The following KCNMB4 variants were observed in gnomAD, a reference collection of about 807,000 sequenced individuals.
KCNMB4 encodes calcium-activated potassium channel subunit beta-4.
A neutral mutation model predicts 20.7 loss-of-function variants in KCNMB4; 3 were observed. That is an observed-to-expected ratio of 0.14 (90% confidence interval 0.07 to 0.37). KCNMB4 has a LOEUF of 0.37. Among genes scored for constraint, KCNMB4 ranks in the 10% least tolerant of loss-of-function variants. The probability of loss-of-function intolerance (pLI) is 1.00; values close to 1 mark genes in which losing one functional copy is unlikely to be tolerated. For synonymous variants in KCNMB4, 110 were observed against 113.4 expected, an observed-to-expected ratio of 0.97 and a Z score of 0.19; for missense variants, 168 against 265.9, an observed-to-expected ratio of 0.63 and a Z score of 2.56.
At chr12:70,379,509 C>G (rs1883746796) in intron 1 of KCNMB4, among the ~76,000 whole-genome samples, 1 of 152,092 alleles carries the variant, frequency 6.6e-6, no homozygotes, top group Non-Finnish European at 1.5e-5. Context: ...ACCTCCACCC[C>G]AAGCTCAAGC....
chr12:70,374,779 A>G (rs796991644), intron 1 of KCNMB4, among the ~76,000 whole-genome samples: 6 of 152,318 alleles, frequency 3.9e-5, no homozygotes, highest in African/African-American at 1.4e-4. Context: ...TAATTGATGT[A>G]GTTGATCAAA....
In KCNMB4 at chr12:70,430,793, C is replaced by T. The variant is rs1869345411; in HGVS notation, c.*140C>T. ...TGAGAGGCTCATCCCTCAGTGGCAA[C>T]AGAAACAGGCACAACTGGAAGACTT... On this transcript the variant is annotated 3_prime_UTR_variant, in exon 3 of 3. Transcript: ENST00000258111. The T allele has an allele frequency of 1.4e-6, 1 of 705,364 alleles. No individual in the cohort carries two copies. The highest frequency in any genetic ancestry group is 2.1e-6 in the Non-Finnish European group (1 of 467,276). The allele number at this position is 705,364 out of a possible 1,614,324, so 43.7% of individuals were successfully genotyped here. A position where few individuals can be genotyped will look rare whatever the true frequency, so the allele number is the denominator to read the frequency against.
At chr12:70,377,231 A>G (rs902008471) in intron 1 of KCNMB4, among the ~76,000 whole-genome samples, 1 of 152,362 alleles carries the variant, frequency 6.6e-6, no homozygotes, top group Non-Finnish European at 1.5e-5. Flanking sequence ...TCTTGAAAAA[A>G]GAGAACAAAA....
Position 70,427,182 on chromosome 12 carries a change from A to AATTCT in KCNMB4, c.465-3301_465-3297dup, listed in dbSNP as rs577786501. On this transcript the variant is annotated intron_variant, in intron 2 of 2. Coordinates refer to ENST00000258111, the MANE Select transcript of KCNMB4 (RefSeq NM_014505.6). ...CCTACCATATAATTACGGCAAATTG[A>AATTCT]ATTCTAAGCCCAAACCCCTTTGCAA... is the stretch of plus-strand genomic sequence containing the variant. 2.7e-4 allele frequency among the ~76,000 whole-genome samples: 41 copies of AATTCT among 152,330 alleles called. 1 individual carries two copies. The highest frequency in any genetic ancestry group is 1.2e-3 in the Admixed American group (19 of 15,308).
chr12:70,419,097 A>G (rs1307297031), intron 2 of KCNMB4, among the ~76,000 whole-genome samples: 3 of 152,150 alleles, frequency 2.0e-5, no homozygotes, highest in African/African-American at 7.2e-5. Flanking sequence ...GTGTAGCCCT[A>G]TATTATCAGA....
chr12:70,367,575 G>A (rs1382686322), intron 1 of KCNMB4, among the ~76,000 whole-genome samples: 1 of 152,068 alleles, frequency 6.6e-6, no homozygotes, highest in Admixed American at 6.5e-5. Flanking sequence ...CTCTACATAG[G>A]CATTTTCAAC....
intron 2 of KCNMB4, among the ~76,000 whole-genome samples, chr12:70,403,266 C>T (rs1167213343): frequency 6.6e-6 from 1 of 152,014 alleles, no homozygotes; most frequent in African/African-American, 2.4e-5. Flanking sequence ...CTTCTATTTA[C>T]AACTCTCTCC....
chr12:70,409,870 G>C (rs916843557), intron 2 of KCNMB4, among the ~76,000 whole-genome samples: 46 of 152,304 alleles, frequency 3.0e-4, no homozygotes, highest in African/African-American at 1.1e-3. Flanking sequence ...TGAATGAGTG[G>C]GAGAGTGGAG....
chr12:70,380,504 A>G (rs1321509304), intron 1 of KCNMB4, among the ~76,000 whole-genome samples: 3 of 152,172 alleles, frequency 2.0e-5, no homozygotes, highest in East Asian at 3.9e-4. Flanking sequence ...CAAACCTTCC[A>G]TCTGTAAAAG....
intron 1 of KCNMB4, among the ~76,000 whole-genome samples, chr12:70,387,593 G>A (rs117339820): frequency 5.3e-4 from 80 of 151,700 alleles, no homozygotes; most frequent in Non-Finnish European, 8.7e-4. Flanking sequence ...GTACAGACGG[G>A]GTTTTACCAT....
intron 2 of KCNMB4, among the ~76,000 whole-genome samples, chr12:70,414,873 A>C (rs1485410889): frequency 6.6e-6 from 1 of 152,160 alleles, no homozygotes; most frequent in African/African-American, 2.4e-5. Flanking sequence ...TTCCAGTCTC[A>C]TGATTATTTT....
intron 2 of KCNMB4, among the ~76,000 whole-genome samples, chr12:70,407,844 C>T (rs1868653789): frequency 6.6e-6 from 1 of 151,958 alleles, no homozygotes; most frequent in African/African-American, 2.4e-5. Flanking sequence ...CCAAGAGTCA[C>T]CTCACTAGTA....
intron 2 of KCNMB4, among the ~76,000 whole-genome samples, chr12:70,415,818 C>T (rs1221273891): frequency 6.6e-6 from 1 of 152,128 alleles, no homozygotes; most frequent in African/African-American, 2.4e-5. Flanking sequence ...GCACCTAGAG[C>T]ACATGCCAAG....
At chr12:70,408,154 C>T (rs1261707606) in intron 2 of KCNMB4, among the ~76,000 whole-genome samples, 2 of 152,050 alleles carry the variant, frequency 1.3e-5, no homozygotes, top group Non-Finnish European at 2.9e-5. Context: ...AGCCCAGCAG[C>T]ACTCAAGACA....
rs12307983 is a variant in KCNMB4, at chr12:70,423,382, C to A, written c.465-7103C>A. On this transcript the variant is annotated intron_variant, in intron 2 of 2. Transcript: ENST00000258111. ...TGTAAGGCTGTTTATAACATTCATA[C>A]ATCTATAATCAGCCTTTCGTTCATA... Among the ~76,000 whole-genome samples, 1,013 of 152,296 alleles carry A rather than the reference C, an allele frequency of 6.7e-3. 11 individuals are homozygous for A. Among genetic ancestry groups the A allele is most frequent in the African/African-American group, 0.023 (943 of 41,556 alleles).
chr12:70,421,681 A>ACGC (rs1869064721), intron 2 of KCNMB4, among the ~76,000 whole-genome samples: 2 of 150,966 alleles, frequency 1.3e-5, no homozygotes, highest in South Asian at 4.2e-4. Flanking sequence ...TCCCAAGTTC[A>ACGC]CGCCATTCTC....
chr12:70,386,307 A>T (rs528691697), intron 1 of KCNMB4, among the ~76,000 whole-genome samples: 1 of 152,136 alleles, frequency 6.6e-6, no homozygotes, highest in Non-Finnish European at 1.5e-5. Flanking sequence ...GGGTCTAATT[A>T]TATAAATTTT....
At chr12:70,393,781 A>G (rs1225117313) in intron 1 of KCNMB4, among the ~76,000 whole-genome samples, 1 of 152,056 alleles carries the variant, frequency 6.6e-6, no homozygotes, top group African/African-American at 2.4e-5. Context: ...TCTTCAGTGA[A>G]TAGTAGGTCA....
intron 2 of KCNMB4, among the ~76,000 whole-genome samples, chr12:70,418,986 T>C (rs1049259837): frequency 6.6e-6 from 1 of 152,180 alleles, no homozygotes; most frequent in East Asian, 1.9e-4. Flanking sequence ...AGGGGCCCCA[T>C]TGTTTTGTCT....
Sources: allele counts gnomAD v4.1 joint callset (sites outside exome capture counted in the v4.1 genomes callset), GRCh38; gene constraint gnomAD v4.1.1; transcripts MANE v1.5; gene names NCBI Gene and HGNC (gene_info 2026-07-23, HGNC 2026-07-21).